Variants in CFAP61 observed in about 807,000 individuals in gnomAD.
CFAP61 encodes cilia and flagella associated protein 61.
Under a neutral mutation model 135.6 loss-of-function variants are expected in CFAP61, and 107 were observed. The observed-to-expected ratio is 0.79, with a 90% CI of 0.67 to 0.93. The LOEUF (loss-of-function observed/expected upper bound fraction) is 0.93. Ranked by LOEUF, CFAP61 falls within the 40% of genes least tolerant of loss-of-function variation. The pLI is 0.00. For synonymous variants in CFAP61, 575 were observed against 578.5 expected, an observed-to-expected ratio of 0.99 and a Z score of 0.09; for missense variants, 1,507 against 1,556.2, an observed-to-expected ratio of 0.97 and a Z score of 0.53.
chr20:20,099,470 T>C (rs1448673724), intron 8 of CFAP61, among the ~76,000 whole-genome samples: 2 of 152,178 alleles, frequency 1.3e-5, no homozygotes, highest in Non-Finnish European at 2.9e-5. Context: ...TTTGGGTTCT[T>C]ACAGAAGACA....
At chr20:20,205,446 T>C (rs2056816426) in intron 17 of CFAP61, among the ~76,000 whole-genome samples, 1 of 152,224 alleles carries the variant, frequency 6.6e-6, no homozygotes, top group Non-Finnish European at 1.5e-5. Flanking sequence ...ACTACAGATA[T>C]ACTTTCCTAC....
chr20:20,136,679 C>T (rs1434285079), intron 8 of CFAP61, among the ~76,000 whole-genome samples: 1 of 152,162 alleles, frequency 6.6e-6, no homozygotes, highest in Non-Finnish European at 1.5e-5. Context: ...TTCCTCAAAT[C>T]AGCTATTTTG....
At chr20:20,141,197 A>G (rs994615229) in intron 8 of CFAP61, among the ~76,000 whole-genome samples, 3 of 152,200 alleles carry the variant, frequency 2.0e-5, no homozygotes, top group Non-Finnish European at 4.4e-5. Context: ...CTGGGATTAC[A>G]GGTGTGAGCT....
chr20:20,095,107 A>G (rs140544485), intron 7 of CFAP61, among the ~76,000 whole-genome samples: 2 of 152,162 alleles, frequency 1.3e-5, no homozygotes, highest in East Asian at 3.9e-4. Flanking sequence ...TTTTTTTACT[A>G]TTCTCCATGT....
chr20:20,288,896 T>G lies in CFAP61; in HGVS notation c.3084T>G (p.Leu1028=), dbSNP rs1479330474. The G allele has an allele frequency of 6.2e-7, 1 of 1,612,918 alleles. No homozygotes were observed. Among genetic ancestry groups the G allele is most frequent in the Non-Finnish European group, 8.5e-7 (1 of 1,179,016 alleles). The change falls in exon 23 of 27, where the codon CTT becomes CTG. Residue 1028 remains leucine (L), a synonymous_variant. Coordinates refer to ENST00000245957, the MANE Select transcript of CFAP61 (RefSeq NM_015585.4). ...LEPVTEPPAN[L]DRLIPMYKGA... is the part of the protein sequence containing the mutation. The stretch of plus-strand genomic sequence containing the variant: ...CTGTGACCGAGCCACCAGCTAATCT[T>G]GACCGGCTCATCCCCATGTACAAGG...
At chr20:20,310,655 C>T (rs1053364752) in intron 25 of CFAP61, among the ~76,000 whole-genome samples, 1 of 152,166 alleles carries the variant, frequency 6.6e-6, no homozygotes, top group East Asian at 1.9e-4. Flanking sequence ...CAGAAAATGG[C>T]TCCGCAGACC....
At chr20:20,267,571 G>A (rs1356887260) in intron 21 of CFAP61, 2 of 152,416 alleles carry the variant, frequency 1.3e-5, no homozygotes, top group East Asian at 3.8e-4. Context: ...CTTGCTGCAT[G>A]TGGTGGTCTT....
rs2055640147 is a variant in CFAP61 at position 20,188,034 on chromosome 20, A to G, written c.1490A>G (p.Tyr497Cys). The G allele has an allele frequency of 1.2e-6, 2 of 1,614,222 alleles. No homozygotes were observed. The highest frequency in any genetic ancestry group is 1.7e-6 in the Non-Finnish European group (2 of 1,180,028). ...NKSILEDLDRYNKARKDPDGT... is the reference protein window; with the variant it reads ...NKSILEDLDRCNKARKDPDGT... ...AGCATATTGGAGGACTTAGACCGTTACAACAAGGCTCGCAAAGACCCTGTA... is the reference window on the plus strand; with the variant it reads ...AGCATATTGGAGGACTTAGACCGTTGCAACAAGGCTCGCAAAGACCCTGTA... The change falls in exon 14 of 27, where the codon TAC (tyrosine) becomes TGC (cysteine). Residue 497 changes from tyrosine to cysteine, a missense_variant. Tyr to Cys is a radical substitution (Grantham distance 194). Coordinates refer to ENST00000245957, the MANE Select transcript of CFAP61 (RefSeq NM_015585.4).
At chr20:20,200,702 A>C (rs1483118417) in intron 17 of CFAP61, 1 of 985,196 alleles carries the variant, frequency 1.0e-6, no homozygotes, top group East Asian at 1.1e-4. Context: ...AGGAAAGTGT[A>C]AGTTTAAACT....
At chr20:20,280,365 C>A (rs1237082654) in intron 22 of CFAP61, among the ~76,000 whole-genome samples, 1 of 152,088 alleles carries the variant, frequency 6.6e-6, no homozygotes, top group Non-Finnish European at 1.5e-5. Flanking sequence ...ATGTTCCTGA[C>A]AATACTTGGA....
intron 6 of CFAP61, among the ~76,000 whole-genome samples, chr20:20,079,229 GTCCTCAGT>G (rs1363264575): frequency 6.6e-6 from 1 of 152,024 alleles, no homozygotes; most frequent in Non-Finnish European, 1.5e-5. Flanking sequence ...TCAGGACCTA[GTCCTCAGT>G]TTTCTCTCAA....
chr20:20,142,690 G>C (rs556421806), intron 8 of CFAP61, among the ~76,000 whole-genome samples, 167 bp from the exon 9 acceptor site: 1 of 152,258 alleles, frequency 6.6e-6, no homozygotes, highest in South Asian at 2.1e-4. Flanking sequence ...CAAAATTCGG[G>C]GGGGCTGCGG....
chr20:20,196,197 C>A (rs925937197), intron 15 of CFAP61, among the ~76,000 whole-genome samples: 2 of 152,220 alleles, frequency 1.3e-5, no homozygotes, highest in Non-Finnish European at 2.9e-5. Flanking sequence ...CCTGAATTTC[C>A]CACAGGCTCC....
rs1180883581 is a variant in CFAP61 at position 20,090,850 on chromosome 20, A to T, written c.573A>T (p.Glu191Asp). The T allele has an allele frequency of 1.9e-6, 3 of 1,614,154 alleles. No individual in the cohort carries two copies. Among genetic ancestry groups the T allele is most frequent in the South Asian group, 2.2e-5 (2 of 91,076 alleles). The change falls in exon 7 of 27, where the codon GAA becomes GAT. Residue 191 changes from glutamate to aspartate, a missense_variant. By Grantham distance (45) the Glu-to-Asp change is conservative. Transcript: ENST00000245957. Reference protein sequence around the residue: ...PQLHVRKARVEDHDDLMPIFM... With the variant: ...PQLHVRKARVDDHDDLMPIFM... The stretch of plus-strand genomic sequence containing the variant: ...CAGCCTTTCTATTAAACAGGGTGGA[A>T]GACCATGACGATCTCATGCCAATAT...
intron 3 of CFAP61, among the ~76,000 whole-genome samples, chr20:20,071,810 C>T (rs544211684): frequency 6.6e-6 from 1 of 152,286 alleles, no homozygotes; most frequent in East Asian, 1.9e-4. Flanking sequence ...GGTGCCTTCC[C>T]CTCATCTTTT....
intron 1 of CFAP61, 125 bp downstream of exon 1, chr20:20,052,716 T>G (rs2043833370): frequency 1.2e-6 from 2 of 1,608,568 alleles, no homozygotes; most frequent in Non-Finnish European, 1.7e-6. Flanking sequence ...TGTCGAGCCG[T>G]GGCGCCCTGC....
chr20:20,178,848 AT>A (rs2054835558), intron 13 of CFAP61, among the ~76,000 whole-genome samples: 1 of 152,206 alleles, frequency 6.6e-6, no homozygotes, highest in Admixed American at 6.5e-5. Context: ...TAGAAACTTC[AT>A]TTTTAATTTT....
At chr20:20,081,037 A>G (rs1225839790) in intron 6 of CFAP61, among the ~76,000 whole-genome samples, 1 of 152,102 alleles carries the variant, frequency 6.6e-6, no homozygotes, top group Non-Finnish European at 1.5e-5. Context: ...TCCCTGTTAG[A>G]CCAAAATAGT....
intron 24 of CFAP61, among the ~76,000 whole-genome samples, chr20:20,295,012 C>T (rs1287687956): frequency 2.0e-5 from 3 of 149,164 alleles, no homozygotes; most frequent in Non-Finnish European, 4.5e-5. Flanking sequence ...CAAAAAAAAT[C>T]ACTAAAAGTG....
Sources: gnomAD v4.1 joint callset for allele counts (sites outside exome capture counted in the v4.1 genomes callset) on GRCh38, gnomAD v4.1.1 for gene constraint, MANE v1.5 for transcripts, NCBI Gene and HGNC (gene_info 2026-07-23, HGNC 2026-07-21) for gene names.